Variants in ZNF343 observed in about 807,000 individuals in gnomAD.
ZNF343 encodes the protein zinc finger protein 343.
Under a neutral mutation model 13.8 loss-of-function variants are expected in ZNF343, and 11 were observed. The ratio of observed to expected loss-of-function variants is 0.80; its 90% CI spans 0.50 to 1.32. ZNF343 has a LOEUF of 1.32. Ranked by LOEUF, ZNF343 falls within the 40% of genes most tolerant of loss-of-function variation. The pLI is 0.00. For missense variants in ZNF343, 658 were observed against 714.2 expected (o/e 0.92, Z 0.90); for synonymous variants, 248 against 260.0 (o/e 0.95, Z 0.44).
intron 1 of ZNF343, among the ~76,000 whole-genome samples, chr20:2,502,397 T>C (rs2085583916): frequency 6.6e-6 from 1 of 152,216 alleles, no homozygotes; most frequent in South Asian, 2.1e-4. Context: ...TGCAGGATAT[T>C]ATCCAGGAGA....
In ZNF343 at chr20:2,518,087, C is replaced by T. The variant is rs1231406216; in HGVS notation, c.-347+6368G>A. Among the ~76,000 whole-genome samples, 1 of 151,664 alleles carries T rather than the reference C, an allele frequency of 6.6e-6. No individual in the cohort carries two copies. Among genetic ancestry groups the T allele is most frequent in the African/African-American group, 2.4e-5 (1 of 41,240 alleles). On this transcript the variant is annotated intron_variant, in intron 1 of 6. Transcript: ENST00000358413. This position sits in a 1 kb window ranked among gnomAD's most constrained non-coding sequence, Gnocchi z 4.6. ...GGAGTGCAGTGGCTCGATCTCGGCT[C>T]ACTGTAACCTCTGCCTCCCAGGCTC...
chr20:2,503,198 G>T (rs1253821475), intron 1 of ZNF343, among the ~76,000 whole-genome samples: 1 of 152,068 alleles, frequency 6.6e-6, no homozygotes, highest in Non-Finnish European at 1.5e-5. Context: ...AACCAACAAA[G>T]ATCAAAAGAG....
intron 1 of ZNF343, among the ~76,000 whole-genome samples, chr20:2,503,264 C>T (rs950356098): frequency 2.0e-5 from 3 of 152,242 alleles, no homozygotes; most frequent in Admixed American, 6.5e-5. Flanking sequence ...GCTAACTATC[C>T]TAAATATATA....
At chr20:2,488,518 T>C (rs1384618349) in intron 5 of ZNF343, among the ~76,000 whole-genome samples, 1 of 152,166 alleles carries the variant, frequency 6.6e-6, no homozygotes, top group African/African-American at 2.4e-5. Context: ...TATTTTCTCC[T>C]TGCAGCTTCA....
At chr20:2,503,879 C>T (rs1299391555) in intron 1 of ZNF343, among the ~76,000 whole-genome samples, 1 of 151,810 alleles carries the variant, frequency 6.6e-6, no homozygotes, top group African/African-American at 2.4e-5. Context: ...AACTGACACC[C>T]TAACATCACA....
chr20:2,487,025 A>G (rs543142645), intron 5 of ZNF343, among the ~76,000 whole-genome samples: 7 of 152,214 alleles, frequency 4.6e-5, no homozygotes, highest in Non-Finnish European at 1.0e-4. Context: ...AAAAAACTTT[A>G]TTTACAAAAA....
chr20:2,485,989 C>T (rs529100552), intron 5 of ZNF343, among the ~76,000 whole-genome samples: 7 of 152,280 alleles, frequency 4.6e-5, no homozygotes, highest in Admixed American at 3.9e-4. Context: ...ATTTCTGACC[C>T]GTCATCTCTT....
Position 2,483,811 on chromosome 20 carries a change from G to A in ZNF343, c.1150C>T (p.Leu384=). ...THSGEKPYVC[L]ECGRSFCDKS... ...TCACAAAAGCTTCGTCCACACTCCA[G>A]GCACACATAGGGTTTCTCACCGGAG... The change falls in exon 6 of 6, where the codon CTG becomes TTG. Residue 384 remains leucine (L), a synonymous_variant. Coordinates refer to ENST00000278772, the MANE Select transcript of ZNF343 (RefSeq NM_024325.6). The A allele has an allele frequency of 6.2e-7, 1 of 1,606,988 alleles. No individual in the cohort carries two copies. The highest frequency in any genetic ancestry group is 8.5e-7 in the Non-Finnish European group (1 of 1,177,936).
rs1310338616 is a variant in ZNF343, at chr20:2,518,876, G to T, written c.-347+5579C>A. Among the ~76,000 whole-genome samples, 1 of 152,112 alleles carries T rather than the reference G, an allele frequency of 6.6e-6. No homozygotes were observed. Among genetic ancestry groups the T allele is most frequent in the East Asian group, 1.9e-4 (1 of 5,190 alleles). On this transcript the variant is annotated intron_variant, in intron 1 of 6. Coordinates refer to the ZNF343 transcript ENST00000358413. This position sits in a 1 kb window ranked among gnomAD's most constrained non-coding sequence, Gnocchi z 4.6. ...CTGGTGGAAGGCGATTGGCTCATGG[G>T]GGTGGTTTCATCCATGCTGTCCTCA...
intron 5 of ZNF343, among the ~76,000 whole-genome samples, chr20:2,490,439 G>A (rs73892459): frequency 1.8e-3 from 276 of 152,240 alleles, no homozygotes; most frequent in African/African-American, 6.2e-3. Flanking sequence ...GAATGCAATT[G>A]GGATCCAGGT....
At chr20:2,487,510 A>G (rs962300968) in intron 5 of ZNF343, among the ~76,000 whole-genome samples, 5 of 152,190 alleles carry the variant, frequency 3.3e-5, no homozygotes, top group African/African-American at 1.2e-4. Flanking sequence ...TTTACTCCCT[A>G]TCAGTTCAGA....
At chr20:2,496,481 T>C (rs978106097) in intron 2 of ZNF343, among the ~76,000 whole-genome samples, 1 of 152,022 alleles carries the variant, frequency 6.6e-6, no homozygotes, top group Non-Finnish European at 1.5e-5. Context: ...TGGAGGGAAA[T>C]GAGAAGCCAT....
chr20:2,515,739 G>A lies in ZNF343; in HGVS notation c.-347+8716C>T, dbSNP rs151227827. Among the ~76,000 whole-genome samples, 179 of 152,306 alleles carry A rather than the reference G, an allele frequency of 1.2e-3. 2 individuals are homozygous for A. The East Asian group carries it at 0.031, about 26-fold the overall frequency. The stretch of plus-strand genomic sequence containing the variant: ...AGTTAACAGAAATGTATGGTTGAGG[G>A]TCTTTGCTTAACCCTTACCCTTGAC... On this transcript the variant is annotated intron_variant, in intron 1 of 6. Coordinates refer to the ZNF343 transcript ENST00000358413.
chr20:2,502,157 G>A (rs1363509538), intron 1 of ZNF343, among the ~76,000 whole-genome samples: 1 of 152,186 alleles, frequency 6.6e-6, no homozygotes, highest in Non-Finnish European at 1.5e-5. Flanking sequence ...CGAGAACTAC[G>A]TGACGAATGC....
chr20:2,498,917 G>A (rs2085507475), intron 2 of ZNF343, among the ~76,000 whole-genome samples: 1 of 152,150 alleles, frequency 6.6e-6, no homozygotes. Context: ...TCAGCTTACT[G>A]CAACCTCCAC....
rs536038247 is a variant in ZNF343, at chr20:2,502,063, G to GA, written c.-236-1322dup. Reference sequence around the variant, plus strand: ...CCATGGCAAAGAAGTTAAAAACCTTGAAAAAAAATTAGACGAATGCCTAAC... The same window carrying GA: ...CCATGGCAAAGAAGTTAAAAACCTTGAAAAAAAAATTAGACGAATGCCTAAC... On this transcript the variant is annotated intron_variant, in intron 1 of 5. Coordinates refer to ENST00000278772, the MANE Select transcript of ZNF343 (RefSeq NM_024325.6). 6.6e-3 allele frequency among the ~76,000 whole-genome samples: 999 copies of GA among 152,016 alleles called. 12 individuals are homozygous for GA. The highest frequency in any genetic ancestry group is 0.023 in the African/African-American group (951 of 41,452).
intron 5 of ZNF343, among the ~76,000 whole-genome samples, chr20:2,485,391 C>G (rs1380883999): frequency 1.3e-5 from 2 of 152,198 alleles, no homozygotes; most frequent in African/African-American, 4.8e-5. Flanking sequence ...CTAGATGTTG[C>G]ATTTCATCAC....
Position 2,493,829 on chromosome 20 carries a change from C to T in ZNF343, c.67G>A (p.Gly23Arg). The T allele has an allele frequency of 1.2e-6, 2 of 1,614,086 alleles. No individual in the cohort carries two copies. The highest frequency in any genetic ancestry group is 1.7e-6 in the Non-Finnish European group (2 of 1,179,988). The change falls in exon 3 of 6, where the codon GGG becomes AGG. Residue 23 changes from glycine to arginine, a missense_variant. By Grantham distance (125) the Gly-to-Arg change is moderately radical (BLOSUM62 -2). Coordinates refer to ENST00000278772, the MANE Select transcript of ZNF343 (RefSeq NM_024325.6). ...TTCTTCATAGTCTCTACATTTTCCC[C>T]ATTCTTTGGAAGCAAAATCTCTTCC... ...YWEEILLPKNGENVETMKKLT... is the reference protein window; with the variant it reads ...YWEEILLPKNRENVETMKKLT...
chr20:2,492,970 G>T, intron 4 of ZNF343, 145 bp from the exon 5 acceptor site: 1 of 1,133,592 alleles, frequency 8.8e-7, no homozygotes, highest in Non-Finnish European at 1.3e-6. Flanking sequence ...AAGTTCTTCT[G>T]AGCACTACTG....
Sources: allele counts gnomAD v4.1 joint callset (sites outside exome capture counted in the v4.1 genomes callset), GRCh38; gene constraint gnomAD v4.1.1; non-coding constraint Gnocchi (gnomAD v3.1); transcripts MANE v1.5; gene names NCBI Gene and HGNC (gene_info 2026-07-23, HGNC 2026-07-21).